CPNE6: variants seen among roughly 807,000 people sequenced by gnomAD.
CPNE6 encodes copine-6.
In CPNE6, 33 loss-of-function variants were observed where a neutral mutation model predicts 71.5. The ratio of observed to expected loss-of-function variants is 0.46; its 90% CI spans 0.35 to 0.62. The LOEUF is 0.62. CPNE6 is among the 20% of genes least tolerant of loss of function. The pLI is 0.00. For synonymous variants in CPNE6, 296 were observed against 293.0 expected, an observed-to-expected ratio of 1.01 and a Z score of -0.10; for missense variants, 576 against 747.3, an observed-to-expected ratio of 0.77 and a Z score of 2.67.
At position 24,074,022 on chromosome 14, in the gene CPNE6, G is replaced by A; in HGVS notation, c.349-29G>A. Reference sequence around the variant, plus strand: ...GGCCAAGGCAGATGGGGATGTCACAGCTGGGTCTCCCTCCACCTCCATCCC... The same window carrying A: ...GGCCAAGGCAGATGGGGATGTCACAACTGGGTCTCCCTCCACCTCCATCCC... On this transcript the variant is annotated intron_variant, in intron 4 of 17. Transcript: ENST00000397016. The surrounding 1 kb of genome is among the most constrained non-coding windows in gnomAD (Gnocchi z 4.5). 1 of 1,593,646 alleles carries A rather than the reference G, an allele frequency of 6.3e-7. No homozygotes were observed. Among genetic ancestry groups the A allele is most frequent in the Middle Eastern group, 1.7e-4 (1 of 6,024 alleles).
chr14:24,077,589 C>T lies in CPNE6; in HGVS notation c.1537-4C>T. 1 of 1,579,130 alleles carries T rather than the reference C, an allele frequency of 6.3e-7. No homozygotes were observed. The highest frequency in any genetic ancestry group is 8.6e-7 in the Non-Finnish European group (1 of 1,161,014). On this transcript the variant is annotated splice_polypyrimidine_tract_variant and splice_region_variant and intron_variant, in intron 16 of 17. Transcript: ENST00000397016. The surrounding 1 kb of genome is among the most constrained non-coding windows in gnomAD (Gnocchi z 6.1). Reference sequence around the variant, plus strand: ...CCCTAACCACATCACTGTCCCCACCCTAGGCTGCCCCCTCTGCACTCGCCA... The same window carrying T: ...CCCTAACCACATCACTGTCCCCACCTTAGGCTGCCCCCTCTGCACTCGCCA...
intron 1 of CPNE6, chr14:24,071,136 G>A (rs2035882871): frequency 7.9e-7 from 1 of 1,261,652 alleles, no homozygotes; most frequent in Non-Finnish European, 1.1e-6. Context: ...TGTGAGAAGG[G>A]GTATGTTTCC....
intron 1 of CPNE6, 200 bp from the exon 1 acceptor site, chr14:24,071,362 T>C: frequency 1.4e-6 from 2 of 1,441,386 alleles, no homozygotes; most frequent in Non-Finnish European, 1.8e-6. Flanking sequence ...TGTGTGTCAC[T>C]GTGTCTGTGG....
chr14:24,074,133 A>G lies in CPNE6; in HGVS notation c.423+8A>G. 2 of 1,613,726 alleles carry G rather than the reference A, an allele frequency of 1.2e-6. No homozygotes were observed. The highest frequency in any genetic ancestry group is 2.2e-5 in the East Asian group (1 of 44,888). The stretch of plus-strand genomic sequence containing the variant: ...GGCAAGTCCACCATCACGGTAGGCA[A>G]GATCACCTGTACTCACCCTTGGTCC... On this transcript the variant is annotated splice_region_variant and intron_variant, in intron 5 of 17. Transcript: ENST00000397016. This position sits in a 1 kb window ranked among gnomAD's most constrained non-coding sequence, Gnocchi z 4.5.
chr14:24,077,493 G>C lies in CPNE6; in HGVS notation c.1537-100G>C. The C allele has an allele frequency of 6.4e-7, 1 of 1,571,628 alleles. No individual in the cohort carries two copies. The highest frequency in any genetic ancestry group is 1.1e-5 in the South Asian group (1 of 89,980). On this transcript the variant is annotated intron_variant, in intron 16 of 17. Transcript: ENST00000397016. The surrounding 1 kb of genome is among the most constrained non-coding windows in gnomAD (Gnocchi z 6.1). ...ATTTGATGTCCTGCTAAGGACGCGG[G>C]AGCCCAGCTGGCCACCCTGAAGCCC... is the stretch of plus-strand genomic sequence containing the variant.
Position 24,073,469 on chromosome 14 carries a change from GC to G in CPNE6, c.169-27del. ...GAAAAGTATCCTCGGTTCCCAGACA[GC>G]CCTCGCCTCCCTTCAACCACTACCA... On this transcript the variant is annotated intron_variant, in intron 3 of 17. Coordinates refer to ENST00000397016, the Ensembl canonical transcript of CPNE6. The surrounding 1 kb of genome is among the most constrained non-coding windows in gnomAD (Gnocchi z 5.5). The G allele has an allele frequency of 6.2e-7, 1 of 1,604,060 alleles. No homozygotes were observed. The highest frequency in any genetic ancestry group is 1.1e-5 in the South Asian group (1 of 90,010).
At chr14:24,071,497 C>A in intron 1 of CPNE6, 65 bp from the exon 1 acceptor site, 1 of 1,525,114 alleles carries the variant, frequency 6.6e-7, no homozygotes, top group Non-Finnish European at 8.8e-7. Flanking sequence ...GGAGCTGGTG[C>A]TGCGCCCCCC....
exon 3 of CPNE6, chr14:24,072,999 G>A: frequency 6.3e-7 from 1 of 1,586,750 alleles, no homozygotes; most frequent in Non-Finnish European, 8.6e-7. Context: ...GGGCCTCTCG[G>A]GTGGAGCTGC....
chr14:24,073,326 G>C lies in CPNE6; in HGVS notation c.169-173G>C, dbSNP rs1435285656. ...GCCTCATGATAGCCCGGAGGACTGAGAGTCCAGTGGGCAGGCAGCACCCCA... is the reference window on the plus strand; with the variant it reads ...GCCTCATGATAGCCCGGAGGACTGACAGTCCAGTGGGCAGGCAGCACCCCA... On this transcript the variant is annotated intron_variant, in intron 3 of 17. Coordinates refer to ENST00000397016, the Ensembl canonical transcript of CPNE6. The surrounding 1 kb of genome is among the most constrained non-coding windows in gnomAD (Gnocchi z 5.5). 4.6e-5 allele frequency among the ~76,000 whole-genome samples: 7 copies of C among 152,202 alleles called. No individual in the cohort carries two copies. The highest frequency in any genetic ancestry group is 3.9e-4 in the Admixed American group (6 of 15,288).
chr14:24,072,652 A>G (rs1235164413), intron 2 of CPNE6: 3 of 339,566 alleles, frequency 8.8e-6, no homozygotes, highest in Admixed American at 4.8e-5. Context: ...AGGAGCCAAG[A>G]CTGCCAGGAA....
chr14:24,077,865 A>G lies in CPNE6; in HGVS notation c.*38-23A>G, dbSNP rs2036150961. Reference sequence around the variant, plus strand: ...GGGTGTAGTGTAGAAGAGAGTGCTTATGACTCTCCCACCCCCTCCCAGGTG... The same window carrying G: ...GGGTGTAGTGTAGAAGAGAGTGCTTGTGACTCTCCCACCCCCTCCCAGGTG... On this transcript the variant is annotated intron_variant, in intron 17 of 17. Coordinates refer to ENST00000397016, the Ensembl canonical transcript of CPNE6. This position sits in a 1 kb window ranked among gnomAD's most constrained non-coding sequence, Gnocchi z 6.1. The G allele has an allele frequency of 2.0e-6, 2 of 982,860 alleles. No homozygotes were observed. Among genetic ancestry groups the G allele is most frequent in the South Asian group, 5.1e-5 (2 of 39,524 alleles). 60.9% of individuals were successfully genotyped at this position (982,860 alleles called of 1,614,324 possible). A position where few individuals can be genotyped will look rare whatever the true frequency, so the allele number is the denominator to read the frequency against.
At chr14:24,076,543 A>T (rs2036070535) in exon 14 of CPNE6, 1 of 1,613,910 alleles carries the variant, frequency 6.2e-7, no homozygotes, top group South Asian at 1.1e-5. Flanking sequence ...GACCCGGAAA[A>T]TCCTGAATGT....
rs768273277 is a variant in CPNE6, at chr14:24,077,723, G to T, written c.1667G>T (p.Ser556Ile). 2 of 1,522,682 alleles carry T rather than the reference G, an allele frequency of 1.3e-6. No homozygotes were observed. Among genetic ancestry groups the T allele is most frequent in the East Asian group, 4.5e-5 (2 of 44,038 alleles). The allele number at this position is 1,522,682 out of a possible 1,614,324, so 94.3% of individuals were successfully genotyped here. Residue 556 changes from serine to isoleucine, a missense_variant, in exon 17 of 18, where the codon AGC becomes ATC. Physicochemically the swap from Ser to Ile is moderately radical, Grantham distance 142. Transcript: ENST00000397016. This position sits in a 1 kb window ranked among gnomAD's most constrained non-coding sequence, Gnocchi z 6.1. ...ACACTGGCTACGACTCCCAGCCCTA[G>T]CCCGTGACTGCCTCCCTCCGGACCG... is the stretch of plus-strand genomic sequence containing the variant.
chr14:24,073,354 C>A lies in CPNE6; in HGVS notation c.169-145C>A. On this transcript the variant is annotated intron_variant, in intron 3 of 17. Coordinates refer to ENST00000397016, the Ensembl canonical transcript of CPNE6. The surrounding 1 kb of genome is among the most constrained non-coding windows in gnomAD (Gnocchi z 5.5). ...TCCAGTGGGCAGGCAGCACCCCAAG[C>A]TCAGGGATCAGCTTAGGAAGAGAAG... 9.7e-7 allele frequency: 1 copy of A among 1,026,224 alleles called. No individual in the cohort carries two copies. The highest frequency in any genetic ancestry group is 1.4e-6 in the Non-Finnish European group (1 of 709,546). The allele number at this position is 1,026,224 out of a possible 1,614,324, so 63.6% of individuals were successfully genotyped here. A position where few individuals can be genotyped will look rare whatever the true frequency, so the allele number is the denominator to read the frequency against.
chr14:24,071,419 C>T (rs1486398371), intron 1 of CPNE6, 143 bp from the exon 1 acceptor site: 11 of 1,463,106 alleles, frequency 7.5e-6, no homozygotes, highest in East Asian at 2.5e-5. Context: ...TCCCCCGGTT[C>T]TGTGGCTCCC....
In CPNE6 at chr14:24,076,194, C is replaced by T; in HGVS notation, c.970C>T (p.Gln324Ter). 2 of 1,614,108 alleles carry T rather than the reference C, an allele frequency of 1.2e-6. No homozygotes were observed. Among genetic ancestry groups the T allele is most frequent in the Non-Finnish European group, 1.7e-6 (2 of 1,179,950 alleles). Residue 324 changes from glutamine (Q) to a stop codon, truncating the protein, a stop_gained, in exon 12 of 18, where the codon CAG becomes TAG. Coordinates refer to ENST00000397016, the Ensembl canonical transcript of CPNE6. LOFTEE classifies it high-confidence loss of function. The stretch of plus-strand genomic sequence containing the variant: ...CTCCAATGGGGACCCGAGGAGCAGC[C>T]AGTCCCTGCACTGCCTCAGTCCCCG...
intron 2 of CPNE6, 59 bp from the exon 2 acceptor site, chr14:24,072,874 C>T (rs2035943239): frequency 1.4e-6 from 2 of 1,410,664 alleles, no homozygotes; most frequent in Admixed American, 2.7e-5. Context: ...AGAGGATAGA[C>T]CCCTCTGCTG....
chr14:24,071,213 G>A (rs1333797190), intron 1 of CPNE6: 2 of 994,800 alleles, frequency 2.0e-6, no homozygotes, highest in Non-Finnish European at 2.9e-6. Flanking sequence ...TGGCGCCTGT[G>A]TGTGTCAAGA....
In CPNE6 at chr14:24,077,001, G is replaced by T. The variant is rs200912343; in HGVS notation, c.1288G>T (p.Gly430Cys). 1.2e-6 allele frequency: 2 copies of T among 1,610,684 alleles called. No homozygotes were observed. Among genetic ancestry groups the T allele is most frequent in the Admixed American group, 3.3e-5 (2 of 60,018 alleles). Reference sequence around the variant, plus strand: ...GCCGGCCCAGCGGGAGCAGAGCACCGGCCAAGCCACGGTAGGAAGACATGG... The same window carrying T: ...GCCGGCCCAGCGGGAGCAGAGCACCTGCCAAGCCACGGTAGGAAGACATGG... Residue 430 changes from glycine to cysteine, a missense_variant, in exon 15 of 18, where the codon GGC (glycine) becomes TGC (cysteine). Physicochemically the swap from Gly to Cys is radical, Grantham distance 159. Coordinates refer to ENST00000397016, the Ensembl canonical transcript of CPNE6. This position sits in a 1 kb window ranked among gnomAD's most constrained non-coding sequence, Gnocchi z 6.1.
Sources: allele counts gnomAD v4.1 joint callset (sites outside exome capture counted in the v4.1 genomes callset), GRCh38; gene constraint gnomAD v4.1.1; non-coding constraint Gnocchi (gnomAD v3.1); transcripts MANE v1.5; gene names NCBI Gene and HGNC (gene_info 2026-07-23, HGNC 2026-07-21).